MYH11: variants seen among roughly 807,000 people sequenced by gnomAD.
MYH11 encodes the protein myosin heavy chain 11, also known as myosin-11.
Under a neutral mutation model 246.6 loss-of-function variants are expected in MYH11, and 80 were observed. The observed-to-expected ratio is 0.32, with a 90% CI of 0.27 to 0.39. The LOEUF is 0.39. Among genes scored for constraint, MYH11 ranks in the 10% least tolerant of loss-of-function variants. The probability of loss-of-function intolerance (pLI) is 1.00; values close to 1 mark genes in which losing one functional copy is unlikely to be tolerated. For synonymous variants in MYH11, 1,071 were observed against 1,015.5 expected (o/e 1.05, Z -1.04); for missense variants, 2,158 against 2,546.8 (o/e 0.85, Z 3.29).
chr16:15,754,069 T>A (rs2041647989), intron 14 of MYH11, among the ~76,000 whole-genome samples: 2 of 138,980 alleles, frequency 1.4e-5, no homozygotes, highest in African/African-American at 5.2e-5. Flanking sequence ...AAAAAAAAAT[T>A]AGCCAGGCAT....
chr16:15,785,540 C>T (rs1044480756), intron 5 of MYH11: 3 of 151,800 alleles, frequency 2.0e-5, no homozygotes. Flanking sequence ...CCTAGATCTC[C>T]AAGGGCCTCC....
intron 13 of MYH11, 64 bp downstream of exon 13, chr16:15,757,763 C>A: frequency 5.0e-6 from 8 of 1,608,724 alleles, no homozygotes; most frequent in Non-Finnish European, 6.8e-6. Flanking sequence ...TCCACGTCGG[C>A]TCCACAGAGG....
intron 2 of MYH11, among the ~76,000 whole-genome samples, chr16:15,835,661 A>G (rs1393587231): frequency 3.3e-5 from 5 of 151,934 alleles, no homozygotes; most frequent in African/African-American, 1.2e-4. Flanking sequence ...AACACTTAAC[A>G]TTTTCAGTGC....
chr16:15,732,359 C>A (rs2040990501), intron 27 of MYH11: 1 of 727,294 alleles, frequency 1.4e-6, no homozygotes, highest in Admixed American at 2.4e-5. Context: ...CTCAGCCTCC[C>A]CAAGTACTGG....
At position 15,724,687 on chromosome 16, in the gene MYH11, T is replaced by C. The variant is rs773622802; in HGVS notation, c.4076A>G (p.Lys1359Arg). 4 of 1,614,180 alleles carry C rather than the reference T, an allele frequency of 2.5e-6. No individual in the cohort carries two copies. The highest frequency in any genetic ancestry group is 3.4e-6 in the Non-Finnish European group (4 of 1,180,012). Residue 1359 changes from lysine (K) to arginine (R), a missense_variant, in exon 30 of 41, where the codon AAG (lysine) becomes AGG (arginine). Coordinates refer to ENST00000300036, the MANE Select transcript of MYH11 (RefSeq NM_002474.3). ...GGAGATGTGGCGCTCCAGGTTCTGC[T>C]TGGCCTCCATCTCCTCGTCCAGCTG... is the stretch of plus-strand genomic sequence containing the variant. ...QDQLDEEMEA[K>R]QNLERHISTL...
At chr16:15,808,732 A>T (rs551248859) in intron 3 of MYH11, among the ~76,000 whole-genome samples, 83 of 151,996 alleles carry the variant, frequency 5.5e-4, no homozygotes, top group African/African-American at 1.4e-3. Context: ...ATGAAAAAAA[A>T]ATTTTTTTTA....
chr16:15,812,023 C>T lies in MYH11; in HGVS notation c.502+11232G>A, dbSNP rs149264991. Among the ~76,000 whole-genome samples, 546 of 152,248 alleles carry T rather than the reference C, an allele frequency of 3.6e-3. 5 individuals are homozygous for T. The highest frequency in any genetic ancestry group is 9.9e-3 in the African/African-American group (411 of 41,544). On this transcript the variant is annotated intron_variant, in intron 3 of 40. Transcript: ENST00000300036. ...GCTTTAATGGCGCTTTTCTCCTATT[C>T]ATCACGTTCATTTATTGAACTTAGC...
At chr16:15,829,233 C>T (rs546560253) in intron 2 of MYH11, among the ~76,000 whole-genome samples, 1 of 152,068 alleles carries the variant, frequency 6.6e-6, no homozygotes, top group East Asian at 1.9e-4. Context: ...GGAAGGACCA[C>T]ACTGCCTTTT....
chr16:15,713,943 CAG>C (rs1203217131), intron 40 of MYH11: 1 of 152,284 alleles, frequency 6.6e-6, no homozygotes, highest in African/African-American at 2.4e-5. Flanking sequence ...CCGTTGGGGA[CAG>C]AGCCAAAGAA....
At chr16:15,848,585 A>AGCTCTTCCGTGC (rs1224332545) in intron 1 of MYH11, among the ~76,000 whole-genome samples, 1 of 151,824 alleles carries the variant, frequency 6.6e-6, no homozygotes, top group Non-Finnish European at 1.5e-5. Context: ...TCGTGAGGGG[A>AGCTCTTCCGTGC]GCTCTTCCGT....
At chr16:15,768,118 T>C (rs1391961466) in intron 9 of MYH11, among the ~76,000 whole-genome samples, 1 of 152,018 alleles carries the variant, frequency 6.6e-6, no homozygotes, top group Non-Finnish European at 1.5e-5. Context: ...CCTCCAGAAC[T>C]GGGAGAGAAT....
At chr16:15,839,320 G>A (rs1174647269) in intron 1 of MYH11, among the ~76,000 whole-genome samples, 5 of 152,142 alleles carry the variant, frequency 3.3e-5, no homozygotes, top group Non-Finnish European at 7.3e-5. Context: ...AAACAAATCA[G>A]AAAGGCCACA....
intron 28 of MYH11, 44 bp from the exon 29 acceptor site, chr16:15,725,036 G>T: frequency 1.3e-6 from 2 of 1,552,868 alleles, no homozygotes; most frequent in Non-Finnish European, 1.8e-6. Flanking sequence ...TCTAGAAGGG[G>T]ATCCTCGTTG....
chr16:15,782,727 C>T (rs1021098810), intron 5 of MYH11: 10 of 490,080 alleles, frequency 2.0e-5, no homozygotes, highest in African/African-American at 2.0e-4. Flanking sequence ...CCAGGGCCTG[C>T]TCATCTGTGC....
At chr16:15,771,860 T>C in intron 8 of MYH11, 148 bp from the exon 9 acceptor site, 1 of 1,019,458 alleles carries the variant, frequency 9.8e-7, no homozygotes, top group African/African-American at 1.6e-5. Flanking sequence ...CATCGTCACG[T>C]AGACAGCCTC....
In MYH11 at chr16:15,856,746, T is replaced by C. The variant is rs749418606; in HGVS notation, c.-18+195A>G. On this transcript the variant is annotated intron_variant, in intron 1 of 40. Transcript: ENST00000300036. ...TCACTGGCAATCTTAAGAAATGCTG[T>C]TTGGGGAAAGTCTAGGATAATCTAA... Among the ~76,000 whole-genome samples the C allele has an allele frequency of 7.0e-4, 106 of 152,074 alleles. 5 individuals carry two copies. Among genetic ancestry groups the C allele is most frequent in the Middle Eastern group, 3.4e-3 (1 of 294 alleles).
chr16:15,760,260 G>A (rs1408198648), intron 11 of MYH11, among the ~76,000 whole-genome samples: 1 of 152,122 alleles, frequency 6.6e-6, no homozygotes, highest in Non-Finnish European at 1.5e-5. Flanking sequence ...TGGACGGACA[G>A]ATGGACAGAT....
At chr16:15,755,445 C>T (rs1280851077) in intron 14 of MYH11, among the ~76,000 whole-genome samples, 2 of 152,084 alleles carry the variant, frequency 1.3e-5, no homozygotes, top group Non-Finnish European at 2.9e-5. Flanking sequence ...CAGTTGGCCC[C>T]GCCTGTTGGG....
chr16:15,720,391 C>T (rs1261849734), intron 33 of MYH11, 79 bp from the exon 34 acceptor site: 3 of 1,531,380 alleles, frequency 2.0e-6, no homozygotes, highest in African/African-American at 1.4e-5. Flanking sequence ...CACATCACTG[C>T]ACCCCTTCCC....
Sources: gnomAD v4.1 joint callset for allele counts (sites outside exome capture counted in the v4.1 genomes callset) on GRCh38, gnomAD v4.1.1 for gene constraint, MANE v1.5 for transcripts, NCBI Gene and HGNC (gene_info 2026-07-23, HGNC 2026-07-21) for gene names.